DYNC2H1: variants seen among roughly 807,000 people sequenced by gnomAD.
DYNC2H1 encodes cytoplasmic dynein 2 heavy chain 1.
In DYNC2H1, 410 loss-of-function variants were observed where a neutral mutation model predicts 570.0. The ratio of observed to expected loss-of-function variants is 0.72; its 90% CI spans 0.66 to 0.78. DYNC2H1 has a LOEUF of 0.78. Among genes scored for constraint, DYNC2H1 ranks in the 30% least tolerant of loss-of-function variants. DYNC2H1 has a pLI of 0.00. For missense variants in DYNC2H1, 4,865 were observed against 5,046.4 expected (o/e 0.96, Z 1.09); for synonymous variants, 1,688 against 1,677.6 (o/e 1.01, Z -0.15).
rs1355317969 is a variant in DYNC2H1 at position 103,121,358 on chromosome 11, T to C, written c.1361-14T>C. On this transcript the variant is annotated splice_polypyrimidine_tract_variant and intron_variant, in intron 9 of 88. Coordinates refer to ENST00000375735, the MANE Select transcript of DYNC2H1 (RefSeq NM_001377.3). ...TAATTCTTTGTAATCATTTATTTGA[T>C]TTAAATTTTATAGATTTTCGATTAG... 4 of 1,580,566 alleles carry C rather than the reference T, an allele frequency of 2.5e-6. No individual in the cohort carries two copies. The highest frequency in any genetic ancestry group is 3.4e-6 in the Non-Finnish European group (4 of 1,163,884).
At chr11:103,282,290 A>C in intron 72 of DYNC2H1, 61 bp downstream of exon 72, 2 of 1,500,736 alleles carry the variant, frequency 1.3e-6, no homozygotes, top group Non-Finnish European at 1.8e-6. Flanking sequence ...CTTTTTGTTC[A>C]TGAGGTATAA....
intron 28 of DYNC2H1, 80 bp downstream of exon 28, chr11:103,159,107 C>A: frequency 9.3e-7 from 1 of 1,074,186 alleles, no homozygotes; most frequent in Non-Finnish European, 1.4e-6. Flanking sequence ...CTTAGGTAGA[C>A]TACTGAATAC....
rs969773725 is a variant in DYNC2H1, at chr11:103,326,874, C to T, written c.12039+2884C>T. 6.6e-6 allele frequency among the ~76,000 whole-genome samples: 1 copy of T among 152,192 alleles called. No homozygotes were observed. The highest frequency in any genetic ancestry group is 2.4e-5 in the African/African-American group (1 of 41,452). On this transcript the variant is annotated intron_variant, in intron 82 of 88. Transcript: ENST00000375735. The surrounding 1 kb of genome is among the most constrained non-coding windows in gnomAD (Gnocchi z 6.1). ...GGGAATGGGCACTTAGGGCCTTACT[C>T]TACTACAGCTGTCCTGCACACAAAA...
intron 73 of DYNC2H1, among the ~76,000 whole-genome samples, chr11:103,284,809 A>G (rs1273505356): frequency 2.0e-5 from 3 of 152,238 alleles, no homozygotes; most frequent in African/African-American, 7.2e-5. Context: ...TACTGAAGAT[A>G]TAGATCTTCT....
Position 103,294,439 on chromosome 11 carries a change from C to T in DYNC2H1, c.11095+6834C>T, listed in dbSNP as rs78824991. 3.3e-5 allele frequency among the ~76,000 whole-genome samples: 5 copies of T among 152,144 alleles called. No individual in the cohort carries two copies. The East Asian group carries it at 5.8e-4, about 18-fold the overall frequency. ...AAGCTGTTTTAGCACTATTGGGAACCCTAAGCCCAAGAACTCTATGACTCT... is the reference window on the plus strand; with the variant it reads ...AAGCTGTTTTAGCACTATTGGGAACTCTAAGCCCAAGAACTCTATGACTCT... On this transcript the variant is annotated intron_variant, in intron 75 of 88. Coordinates refer to ENST00000375735, the MANE Select transcript of DYNC2H1 (RefSeq NM_001377.3).
intron 84 of DYNC2H1, among the ~76,000 whole-genome samples, chr11:103,421,100 TCAAAC>T (rs1943471309): frequency 6.6e-6 from 1 of 151,838 alleles, no homozygotes; most frequent in Non-Finnish European, 1.5e-5. Context: ...AAAACAGACT[TCAAAC>T]CAACAAAGAT....
At position 103,257,696 on chromosome 11, in the gene DYNC2H1, G is replaced by A. The variant is rs188113889; in HGVS notation, c.10550G>A (p.Arg3517His). ...TTGTCCAAAATTAATAACATGTACC[G>A]TTTTAGTTTGGCTGCTTTTCTCCGA... ...SDLSKINNMY[R>H]FSLAAFLRLF... The change falls in exon 69 of 89, where the codon CGT (arginine) becomes CAT (histidine). Residue 3517 changes from arginine (R) to histidine (H), a missense_variant. This residue lies in a region of DYNC2H1 where 2,401 missense variants were observed against 2,454.6 expected (regional missense o/e 0.98). Transcript: ENST00000375735. The A allele has an allele frequency of 1.1e-4, 185 of 1,610,888 alleles. No individual in the cohort carries two copies. The East Asian group carries it at 2.3e-3, about 20-fold the overall frequency.
At chr11:103,310,786 GTTCAGGCA>G (rs1565484881) in intron 78 of DYNC2H1, among the ~76,000 whole-genome samples, 2 of 147,002 alleles carry the variant, frequency 1.4e-5, no homozygotes, top group African/African-American at 5.0e-5. Flanking sequence ...TGCCTCCTGG[GTTCAGGCA>G]ATTATCCTGC....
intron 17 of DYNC2H1, among the ~76,000 whole-genome samples, chr11:103,137,567 T>C (rs1859640469): frequency 6.6e-6 from 1 of 152,202 alleles, no homozygotes; most frequent in South Asian, 2.1e-4. Context: ...GAGGGCTCTG[T>C]TCTGTTCCAT....
chr11:103,202,050 A>G (rs1862739813), intron 50 of DYNC2H1, among the ~76,000 whole-genome samples: 1 of 152,158 alleles, frequency 6.6e-6, no homozygotes, highest in African/African-American at 2.4e-5. Flanking sequence ...TTGGTTAAAT[A>G]ATAAGTAATA....
rs990105841 is a variant in DYNC2H1 at position 103,201,910 on chromosome 11, A to G, written c.8198-1753A>G. On this transcript the variant is annotated intron_variant, in intron 50 of 88. Transcript: ENST00000375735. The surrounding 1 kb of genome is among the most constrained non-coding windows in gnomAD (Gnocchi z 4.8). ...AACCTTAAAAACTAGTTTCAATTGT[A>G]TGGGTGGTATCACTGTGGGGATCAA... 6.6e-6 allele frequency among the ~76,000 whole-genome samples: 1 copy of G among 152,176 alleles called. No homozygotes were observed. Among genetic ancestry groups the G allele is most frequent in the African/African-American group, 2.4e-5 (1 of 41,438 alleles).
chr11:103,387,907 C>T (rs1941959181), intron 83 of DYNC2H1, among the ~76,000 whole-genome samples: 1 of 152,100 alleles, frequency 6.6e-6, no homozygotes, highest in Admixed American at 6.5e-5. Context: ...TTACTGTAGC[C>T]TTGTAGTATA....
At chr11:103,394,442 A>G (rs1002021319) in intron 83 of DYNC2H1, among the ~76,000 whole-genome samples, 2 of 152,186 alleles carry the variant, frequency 1.3e-5, no homozygotes, top group Non-Finnish European at 2.9e-5. Context: ...TAAAGTATAC[A>G]GAATTATGTG....
At position 103,461,074 on chromosome 11, in the gene DYNC2H1, T is replaced by C. The variant is rs1411296322; in HGVS notation, c.12648+4718T>C. Among the ~76,000 whole-genome samples, 2 of 152,238 alleles carry C rather than the reference T, an allele frequency of 1.3e-5. No individual in the cohort carries two copies. The highest frequency in any genetic ancestry group is 2.9e-5 in the Non-Finnish European group (2 of 68,028). On this transcript the variant is annotated intron_variant, in intron 87 of 88. Transcript: ENST00000375735. The surrounding 1 kb of genome is among the most constrained non-coding windows in gnomAD (Gnocchi z 4.8). ...ACTTTTCCTCTCTCTGGTCCATTCA[T>C]GTGAGCTATAAAAGCACATTTTCTA...
chr11:103,377,818 C>A lies in DYNC2H1; in HGVS notation c.12156+19459C>A, dbSNP rs1941455346. ...GTGGCACAATCTCTGCTCATTATAT[C>A]CTCCACCTCCCAGGTTCAAGCAATT... On this transcript the variant is annotated intron_variant, in intron 83 of 88. Coordinates refer to ENST00000375735, the MANE Select transcript of DYNC2H1 (RefSeq NM_001377.3). Among the ~76,000 whole-genome samples the A allele has an allele frequency of 1.3e-5, 2 of 152,156 alleles. 1 individual carries two copies. Among genetic ancestry groups the A allele is most frequent in the Admixed American group, 1.3e-4 (2 of 15,280 alleles).
chr11:103,294,740 G>A (rs1444545962), intron 75 of DYNC2H1, among the ~76,000 whole-genome samples: 3 of 151,410 alleles, frequency 2.0e-5, no homozygotes, highest in African/African-American at 7.3e-5. Context: ...CTACTGCTTG[G>A]CTGTCACTGA....
Position 103,455,193 on chromosome 11 carries a change from T to C in DYNC2H1, c.12464T>C (p.Val4155Ala), listed in dbSNP as rs1377062143. The C allele has an allele frequency of 1.2e-6, 2 of 1,612,736 alleles. No individual in the cohort carries two copies. Among genetic ancestry groups the C allele is most frequent in the Non-Finnish European group, 8.5e-7 (1 of 1,179,120 alleles). Reference sequence around the variant, plus strand: ...ATATTTCCCCCCCTCTAGAACTGGGTAGATAAAGCTGAAAAACAGGCTCTT... The same window carrying C: ...ATATTTCCCCCCCTCTAGAACTGGGCAGATAAAGCTGAAAAACAGGCTCTT... The part of the protein sequence containing the change: ...VARALAIQNW[V>A]DKAEKQALLS... Residue 4155 changes from valine to alanine, a missense_variant, in exon 86 of 89, where the codon GTA (valine) becomes GCA (alanine). Transcript: ENST00000375735.
At chr11:103,219,272 A>G (rs1048420375) in intron 55 of DYNC2H1, among the ~76,000 whole-genome samples, 14 of 152,230 alleles carry the variant, frequency 9.2e-5, no homozygotes, top group Non-Finnish European at 2.1e-4. Flanking sequence ...AAAGATGTTC[A>G]ACCTCATCAA....
At position 103,170,036 on chromosome 11, in the gene DYNC2H1, C is replaced by A; in HGVS notation, c.4969-72C>A. The A allele has an allele frequency of 7.6e-7, 1 of 1,324,030 alleles. No homozygotes were observed. The highest frequency in any genetic ancestry group is 1.0e-6 in the Non-Finnish European group (1 of 992,332). The allele number at this position is 1,324,030 out of a possible 1,614,324, so 82.0% of individuals were successfully genotyped here. A position where few individuals can be genotyped will look rare whatever the true frequency, so the allele number is the denominator to read the frequency against. On this transcript the variant is annotated intron_variant, in intron 32 of 88. Coordinates refer to ENST00000375735, the MANE Select transcript of DYNC2H1 (RefSeq NM_001377.3). The surrounding 1 kb of genome is among the most constrained non-coding windows in gnomAD (Gnocchi z 4.8). ...GCATTTTTATCTTTTTAACTACAATCTCATGCTGTAAAAATATTTGTAAAT... is the reference window on the plus strand; with the variant it reads ...GCATTTTTATCTTTTTAACTACAATATCATGCTGTAAAAATATTTGTAAAT...
Sources: gnomAD v4.1 joint callset for allele counts (sites outside exome capture counted in the v4.1 genomes callset) on GRCh38, gnomAD v4.1.1 for gene constraint, gnomAD v4.1.1 regional missense constraint, Gnocchi (gnomAD v3.1) non-coding constraint, MANE v1.5 for transcripts, NCBI Gene and HGNC (gene_info 2026-07-23, HGNC 2026-07-21) for gene names.